The following CAP2 variants were observed in gnomAD, a reference collection of about 807,000 sequenced individuals.
The protein encoded by CAP2 is adenylyl cyclase-associated protein 2.
Under a neutral mutation model 57.7 loss-of-function variants are expected in CAP2, and 24 were observed. The observed-to-expected ratio is 0.42, with a 90% confidence interval of 0.30 to 0.58. The LOEUF is 0.58. Ranked by LOEUF, CAP2 falls within the 20% of genes least tolerant of loss-of-function variation. CAP2 has a pLI of 0.22. For missense variants in CAP2, 501 were observed against 590.3 expected (o/e 0.85, Z 1.57); for synonymous variants, 194 against 207.2 (o/e 0.94, Z 0.55).
intron 3 of CAP2, among the ~76,000 whole-genome samples, chr6:17,428,896 G>A (rs188202763): frequency 6.6e-4 from 101 of 152,272 alleles, no homozygotes; most frequent in African/African-American, 2.2e-3. Context: ...TTATGCCAGA[G>A]GCTCCAAGAC....
intron 12 of CAP2, among the ~76,000 whole-genome samples, chr6:17,554,440 A>G (rs1763247098): frequency 6.6e-6 from 1 of 152,286 alleles, no homozygotes; most frequent in East Asian, 1.9e-4. Context: ...GCTTGTCCTT[A>G]TACAGTGGGG....
chr6:17,436,821 A>G (rs1418691188), intron 3 of CAP2, among the ~76,000 whole-genome samples: 3 of 152,092 alleles, frequency 2.0e-5, no homozygotes, highest in Admixed American at 6.6e-5. Flanking sequence ...GGTGAGTGGC[A>G]GGCAGGTGAG....
At chr6:17,519,309 G>A (rs547793418) in intron 7 of CAP2, among the ~76,000 whole-genome samples, 6 of 146,428 alleles carry the variant, frequency 4.1e-5, no homozygotes, top group Non-Finnish European at 7.5e-5. Flanking sequence ...TGAGACCAGC[G>A]ATTTGAAGAG....
chr6:17,533,557 G>A (rs1222827837), intron 7 of CAP2, among the ~76,000 whole-genome samples: 2 of 151,136 alleles, frequency 1.3e-5, no homozygotes. Flanking sequence ...AATCATAGAT[G>A]TGCAGCTTTT....
chr6:17,546,022 T>G (rs1347128187), intron 11 of CAP2, among the ~76,000 whole-genome samples: 1 of 152,222 alleles, frequency 6.6e-6, no homozygotes, highest in Non-Finnish European at 1.5e-5. Context: ...TGTGTCTTTA[T>G]AGCAGCATGA....
chr6:17,439,829 G>T (rs1388663104), intron 3 of CAP2, among the ~76,000 whole-genome samples: 1 of 151,320 alleles, frequency 6.6e-6, no homozygotes, highest in Non-Finnish European at 1.5e-5. Context: ...CCAGTCACTT[G>T]CTTGCTGGCT....
At chr6:17,551,418 A>G (rs763093190) in intron 11 of CAP2, 46 bp from the exon 12 acceptor site, 2 of 1,490,496 alleles carry the variant, frequency 1.3e-6, no homozygotes, top group South Asian at 1.2e-5. Flanking sequence ...GGGCATTGTT[A>G]TTTCTGTTTC....
chr6:17,490,395 T>C (rs558847161), intron 4 of CAP2, among the ~76,000 whole-genome samples: 10 of 152,212 alleles, frequency 6.6e-5, no homozygotes, highest in Non-Finnish European at 1.5e-4. Flanking sequence ...TGGCCAAGCA[T>C]TTATGTCTTG....
In CAP2 at chr6:17,513,514, C is replaced by T. The variant is rs1762203803; in HGVS notation, c.531-335C>T. 6.6e-6 allele frequency among the ~76,000 whole-genome samples: 1 copy of T among 152,088 alleles called. No individual in the cohort carries two copies. The highest frequency in any genetic ancestry group is 2.1e-4 in the South Asian group (1 of 4,806). ...AGCAGTGCAGAAAGAAACAGTCTCC[C>T]CTCCACGCCCCCGTCACGTGAGGGC... is the stretch of plus-strand genomic sequence containing the variant. On this transcript the variant is annotated intron_variant, in intron 6 of 12. Transcript: ENST00000229922. This position sits in a 1 kb window ranked among gnomAD's most constrained non-coding sequence, Gnocchi z 4.3.
chr6:17,528,407 C>G (rs1381346758), intron 7 of CAP2, among the ~76,000 whole-genome samples: 1 of 152,180 alleles, frequency 6.6e-6, no homozygotes, highest in African/African-American at 2.4e-5. Context: ...AGGCTGTTTT[C>G]TGATTTTAAG....
intron 7 of CAP2, among the ~76,000 whole-genome samples, chr6:17,535,466 G>T (rs1485935221): frequency 6.6e-6 from 1 of 151,890 alleles, no homozygotes; most frequent in Non-Finnish European, 1.5e-5. Context: ...GTAGAGACGG[G>T]GTTTCGCCAT....
At chr6:17,537,428 C>G (rs1296551488) in intron 7 of CAP2, among the ~76,000 whole-genome samples, 2 of 151,986 alleles carry the variant, frequency 1.3e-5, no homozygotes, top group African/African-American at 4.8e-5. Flanking sequence ...CTCAAGTGAT[C>G]CAAGCGATCT....
intron 1 of CAP2, among the ~76,000 whole-genome samples, chr6:17,418,638 T>C (rs1759350229): frequency 6.6e-6 from 1 of 152,038 alleles, no homozygotes; most frequent in Non-Finnish European, 1.5e-5. Context: ...TGCCATTCTG[T>C]TGGGAATAGA....
intron 10 of CAP2, 33 bp downstream of exon 10, chr6:17,542,993 G>C (rs1291148850): frequency 6.2e-7 from 1 of 1,612,698 alleles, no homozygotes; most frequent in Non-Finnish European, 8.5e-7. Flanking sequence ...TGGTTATTAT[G>C]ATGTTTTATA....
rs114173740 is a variant in CAP2, at chr6:17,504,337, T to C, written c.301-2832T>C. ...GGGACAAGGGAATCTTGGACAAGTG[T>C]GGTAATTGGTGTAAAGTCCCAGAGC... On this transcript the variant is annotated intron_variant, in intron 4 of 12. Coordinates refer to ENST00000229922, the MANE Select transcript of CAP2 (RefSeq NM_006366.3). Among the ~76,000 whole-genome samples, 1,144 of 152,340 alleles carry C rather than the reference T, an allele frequency of 7.5e-3. 9 individuals carry two copies. Among genetic ancestry groups the C allele is most frequent in the Non-Finnish European group, 0.013 (856 of 68,040 alleles).
chr6:17,489,437 A>C (rs1460080019), intron 4 of CAP2, among the ~76,000 whole-genome samples: 1 of 152,224 alleles, frequency 6.6e-6, no homozygotes, highest in Non-Finnish European at 1.5e-5. Flanking sequence ...GTCTCAGAAA[A>C]CAAACAAAAC....
chr6:17,497,335 C>A (rs973833370), intron 4 of CAP2, among the ~76,000 whole-genome samples: 16 of 152,310 alleles, frequency 1.1e-4, no homozygotes, highest in Admixed American at 8.5e-4. Flanking sequence ...TTATAAAATT[C>A]ATCGCTGTCA....
intron 4 of CAP2, among the ~76,000 whole-genome samples, chr6:17,498,245 G>A (rs908191780): frequency 6.6e-6 from 1 of 152,126 alleles, no homozygotes; most frequent in Non-Finnish European, 1.5e-5. Context: ...AGTGGGAAGT[G>A]ACAAAAAAAC....
In CAP2 at chr6:17,404,408, A is replaced by G. The variant is rs186525557; in HGVS notation, c.-2+10662A>G. 1.1e-3 allele frequency among the ~76,000 whole-genome samples: 172 copies of G among 152,264 alleles called. 1 individual carries two copies. In the East Asian group the frequency reaches 0.026, roughly 23 times the overall value. On this transcript the variant is annotated intron_variant, in intron 1 of 12. Coordinates refer to ENST00000229922, the MANE Select transcript of CAP2 (RefSeq NM_006366.3). Reference sequence around the variant, plus strand: ...ATCACGAGGTCAGGAGATGGAGACCATCCTGGCTAACACGGTGAAACCCCG... The same window carrying G: ...ATCACGAGGTCAGGAGATGGAGACCGTCCTGGCTAACACGGTGAAACCCCG...
Sources: gnomAD v4.1 joint callset for allele counts (sites outside exome capture counted in the v4.1 genomes callset) on GRCh38, gnomAD v4.1.1 for gene constraint, Gnocchi (gnomAD v3.1) non-coding constraint, MANE v1.5 for transcripts, NCBI Gene and HGNC (gene_info 2026-07-23, HGNC 2026-07-21) for gene names.